MAGI1: variants seen among roughly 807,000 people sequenced by gnomAD.
MAGI1 encodes the protein membrane-associated guanylate kinase, WW and PDZ domain-containing protein 1.
Under a neutral mutation model 139.9 loss-of-function variants are expected in MAGI1, and 58 were observed. The observed-to-expected ratio is 0.41, with a 90% confidence interval of 0.34 to 0.52. The LOEUF is 0.52. MAGI1 is among the 20% of genes least tolerant of loss of function. The pLI is 0.12. For synonymous variants in MAGI1, 812 were observed against 737.9 expected (o/e 1.10, Z -1.63); for missense variants, 1,874 against 1,901.6 (o/e 0.99, Z 0.27).
intron 2 of MAGI1, among the ~76,000 whole-genome samples, chr3:65,558,360 C>T (rs144989041): frequency 2.6e-5 from 4 of 152,178 alleles, no homozygotes; most frequent in South Asian, 4.1e-4. Flanking sequence ...AGTAGTATCA[C>T]GAAGAGAGCA....
At chr3:65,804,891 A>G (rs970773835) in intron 1 of MAGI1, among the ~76,000 whole-genome samples, 3 of 152,256 alleles carry the variant, frequency 2.0e-5, no homozygotes, top group African/African-American at 7.2e-5. Context: ...CATATGCAGA[A>G]AATTGAAACT....
At chr3:65,699,621 G>A (rs942953440) in intron 1 of MAGI1, among the ~76,000 whole-genome samples, 17 of 148,454 alleles carry the variant, frequency 1.1e-4, no homozygotes, top group Non-Finnish European at 1.8e-4. Flanking sequence ...GTAAACTATC[G>A]CAACAACAAA....
chr3:65,573,309 A>G (rs1359349888), intron 2 of MAGI1, among the ~76,000 whole-genome samples: 1 of 152,128 alleles, frequency 6.6e-6, no homozygotes, highest in East Asian at 1.9e-4. Context: ...CTAAATAAAA[A>G]TTTAACCAAT....
intron 4 of MAGI1, among the ~76,000 whole-genome samples, chr3:65,471,473 A>G (rs1950556490): frequency 6.6e-6 from 1 of 152,212 alleles, no homozygotes; most frequent in Non-Finnish European, 1.5e-5. Context: ...AATGACACAC[A>G]TGAGAGTAAA....
intron 18 of MAGI1, among the ~76,000 whole-genome samples, chr3:65,366,432 A>G (rs1249530740): frequency 6.6e-6 from 1 of 152,154 alleles, no homozygotes; most frequent in Admixed American, 6.5e-5. Flanking sequence ...ATGTTTCCCA[A>G]AATCTGTTTT....
intron 2 of MAGI1, among the ~76,000 whole-genome samples, chr3:65,531,261 C>T (rs2078700168): frequency 6.6e-6 from 1 of 152,002 alleles, no homozygotes; most frequent in Admixed American, 6.6e-5. Context: ...AAATTTATAG[C>T]TAGGGTTGTC....
intron 2 of MAGI1, among the ~76,000 whole-genome samples, chr3:65,529,872 T>TA (rs1391013239): frequency 6.6e-6 from 1 of 152,176 alleles, no homozygotes; most frequent in African/African-American, 2.4e-5. Context: ...ATTTCTGCAG[T>TA]AGTAAGCCTT....
chr3:65,618,146 C>T (rs902902316), intron 2 of MAGI1, among the ~76,000 whole-genome samples: 1 of 152,102 alleles, frequency 6.6e-6, no homozygotes, highest in Non-Finnish European at 1.5e-5. Flanking sequence ...AATATGTACT[C>T]ATTTATAAGA....
intron 1 of MAGI1, among the ~76,000 whole-genome samples, chr3:65,711,930 A>AT (rs1363418764): frequency 2.0e-5 from 3 of 152,184 alleles, no homozygotes; most frequent in Admixed American, 2.0e-4. Context: ...CTCTCTGATC[A>AT]TATCTCCTTC....
At chr3:65,790,149 G>C (rs961532707) in intron 1 of MAGI1, among the ~76,000 whole-genome samples, 1 of 152,174 alleles carries the variant, frequency 6.6e-6, no homozygotes, top group African/African-American at 2.4e-5. Flanking sequence ...GGCTAGGCAA[G>C]TTTACGCTTA....
chr3:65,857,880 G>C (rs547757488), intron 1 of MAGI1, among the ~76,000 whole-genome samples: 1 of 152,192 alleles, frequency 6.6e-6, no homozygotes, highest in South Asian at 2.1e-4. Context: ...AGAAGGGGGG[G>C]AACAAATGGG....
At chr3:65,497,824 G>A (rs1952559456) in intron 2 of MAGI1, among the ~76,000 whole-genome samples, 1 of 152,120 alleles carries the variant, frequency 6.6e-6, no homozygotes, top group African/African-American at 2.4e-5. Context: ...CATGAAACTA[G>A]CAGATCCCAT....
At chr3:65,714,350 A>T (rs572749843) in intron 1 of MAGI1, among the ~76,000 whole-genome samples, 1 of 152,094 alleles carries the variant, frequency 6.6e-6, no homozygotes, top group South Asian at 2.1e-4. Flanking sequence ...TTGAGAGATG[A>T]GGTAATGTCT....
At chr3:65,995,577 C>G (rs943359781) in intron 1 of MAGI1, among the ~76,000 whole-genome samples, 2 of 151,772 alleles carry the variant, frequency 1.3e-5, no homozygotes, top group South Asian at 4.1e-4. Flanking sequence ...AAATGTATCA[C>G]GAGGCCCCAA....
chr3:65,547,285 C>T (rs1004926543), intron 2 of MAGI1, among the ~76,000 whole-genome samples: 2 of 152,152 alleles, frequency 1.3e-5, no homozygotes, highest in African/African-American at 4.8e-5. Flanking sequence ...AGCGATAGAG[C>T]TGAATGTCAG....
intron 1 of MAGI1, among the ~76,000 whole-genome samples, chr3:65,826,628 C>T (rs1278500548): frequency 1.3e-5 from 2 of 152,202 alleles, no homozygotes; most frequent in Non-Finnish European, 2.9e-5. Flanking sequence ...GTGCCCAACT[C>T]ACAAGACCAG....
intron 1 of MAGI1, chr3:65,874,346 A>G (rs1029944003): frequency 6.6e-6 from 1 of 152,174 alleles, no homozygotes; most frequent in Non-Finnish European, 1.5e-5. Flanking sequence ...GACCCACAGA[A>G]TGAGAGAACA....
intron 2 of MAGI1, among the ~76,000 whole-genome samples, chr3:65,595,078 G>A (rs935594312): frequency 2.0e-5 from 3 of 152,182 alleles, no homozygotes; most frequent in African/African-American, 7.2e-5. Flanking sequence ...TAAGCACGGT[G>A]TTTAGCTCCT....
At chr3:65,736,220 G>T (rs1408927945) in intron 1 of MAGI1, among the ~76,000 whole-genome samples, 1 of 152,160 alleles carries the variant, frequency 6.6e-6, no homozygotes, top group East Asian at 1.9e-4. Flanking sequence ...TTTCCAACCT[G>T]TAAGAAAAGT....
Sources: allele counts gnomAD v4.1 joint callset (sites outside exome capture counted in the v4.1 genomes callset), GRCh38; gene constraint gnomAD v4.1.1; transcripts MANE v1.5; gene names NCBI Gene and HGNC (gene_info 2026-07-23, HGNC 2026-07-21).